ZNF3: variants seen among roughly 807,000 people sequenced by gnomAD.
The protein encoded by ZNF3 is C2-H2 type zinc finger protein.
A neutral mutation model predicts 36.9 loss-of-function variants in ZNF3; 16 were observed. That is an observed-to-expected ratio of 0.43 (90% confidence interval 0.29 to 0.66). ZNF3 has a LOEUF of 0.66. Ranked by LOEUF, ZNF3 falls within the 30% of genes least tolerant of loss-of-function variation. The probability of loss-of-function intolerance (pLI) is 0.13; values close to 1 mark genes in which losing one functional copy is unlikely to be tolerated. For missense variants in ZNF3, 462 were observed against 543.1 expected, an observed-to-expected ratio of 0.85 and a Z score of 1.48; for synonymous variants, 201 against 201.9, an observed-to-expected ratio of 1.00 and a Z score of 0.04.
intron 3 of ZNF3, 31 bp downstream of exon 3, chr7:100,077,272 G>A: frequency 6.2e-7 from 1 of 1,613,560 alleles, no homozygotes; most frequent in Non-Finnish European, 8.5e-7. Flanking sequence ...GAATGACTGA[G>A]TAAAAGAATG....
chr7:100,075,114 T>C, intron 5 of ZNF3, 21 bp downstream of exon 5: 1 of 1,569,076 alleles, frequency 6.4e-7, no homozygotes, highest in Non-Finnish European at 8.7e-7. Flanking sequence ...CGAGTTTTGT[T>C]GACAAGGCAT....
In ZNF3 at chr7:100,071,219, T is replaced by C. The variant is rs182405670; in HGVS notation, c.1265A>G (p.Lys422Arg). 382 of 1,614,210 alleles carry C rather than the reference T, an allele frequency of 2.4e-4. 3 individuals carry two copies. The African/African-American group carries it at 4.9e-3, about 21-fold the overall frequency. Reference protein sequence around the residue: ...VRHQRIHTGEKPLNGIGMSKS... With the variant: ...VRHQRIHTGERPLNGIGMSKS... ...GCTCATGCCGATCCCATTCAAAGGC[T>C]TCTCTCCAGTGTGAATTCTCTGATG... Residue 422 changes from lysine (K) to arginine (R), a missense_variant, in exon 6 of 6, where the codon AAG (lysine) becomes AGG (arginine). Physicochemically the swap from Lys to Arg is conservative, Grantham distance 26 (BLOSUM62 2). Coordinates refer to ENST00000299667, the MANE Select transcript of ZNF3 (RefSeq NM_032924.5).
At chr7:100,064,626 C>T (rs753672951) in exon 6 of ZNF3, 16 of 1,611,230 alleles carry the variant, frequency 9.9e-6, no homozygotes, top group South Asian at 4.4e-5. Flanking sequence ...AACTTTCAAG[C>T]GCTCCTGTTG....
intron 3 of ZNF3, among the ~76,000 whole-genome samples, chr7:100,075,981 T>C (rs552985214): frequency 6.6e-6 from 1 of 152,200 alleles, no homozygotes; most frequent in Admixed American, 6.5e-5. Context: ...GCCAGAAACA[T>C]ATGATCCCGC....
In ZNF3 at chr7:100,077,323, G is replaced by C. The variant is rs1317267064; in HGVS notation, c.35C>G (p.Pro12Arg). The C allele has an allele frequency of 6.2e-7, 1 of 1,613,998 alleles. No homozygotes were observed. The highest frequency in any genetic ancestry group is 1.1e-5 in the South Asian group (1 of 91,086). ...CTCACCACTGTCAAGCAGGGCCTGA[G>C]GTTCCTGAGATACGAGATCAGCCTG... ...ETQADLVSQE[P>R]QALLDSALPS... The change falls in exon 3 of 6, where the codon CCT becomes CGT. Residue 12 changes from proline to arginine, a missense_variant. Transcript: ENST00000299667.
downstream of ZNF3, among the ~76,000 whole-genome samples, chr7:100,068,919 C>T (rs1047221909): frequency 4.6e-5 from 7 of 151,774 alleles, no homozygotes; most frequent in Admixed American, 6.6e-5. Flanking sequence ...TGCATTTAAG[C>T]GATTCTCCTC....
chr7:100,073,824 C>T (rs980248297), intron 5 of ZNF3, among the ~76,000 whole-genome samples: 1 of 151,932 alleles, frequency 6.6e-6, no homozygotes, highest in African/African-American at 2.4e-5. Flanking sequence ...GGAAAAGTCT[C>T]TGGATTATAT....
downstream of ZNF3, among the ~76,000 whole-genome samples, chr7:100,066,470 G>A (rs918190393): frequency 3.3e-5 from 5 of 151,910 alleles, no homozygotes; most frequent in Admixed American, 1.3e-4. Context: ...GGTGGCTCAC[G>A]CCTCTAATCC....
chr7:100,068,534 G>T (rs574864683), downstream of ZNF3, among the ~76,000 whole-genome samples: 111 of 151,762 alleles, frequency 7.3e-4, no homozygotes, highest in African/African-American at 2.6e-3. Context: ...TTAGCTGGGC[G>T]TGGTGGTGGG....
At chr7:100,063,969 C>A, downstream of ZNF3, 1 of 1,614,148 alleles carries the variant, frequency 6.2e-7, no homozygotes, top group Non-Finnish European at 8.5e-7. Context: ...AAGAGGCAGG[C>A]TCCAAGAAAG....
chr7:100,078,295 G>GA (rs997236166), intron 2 of ZNF3, among the ~76,000 whole-genome samples: 4 of 151,530 alleles, frequency 2.6e-5, no homozygotes, highest in African/African-American at 9.7e-5. Flanking sequence ...AGGAGTTCGA[G>GA]ACCAGCCTGG....
chr7:100,068,929 C>T (rs1792784037), downstream of ZNF3, among the ~76,000 whole-genome samples: 1 of 151,874 alleles, frequency 6.6e-6, no homozygotes, highest in African/African-American at 2.4e-5. Context: ...CGATTCTCCT[C>T]CCTCAGTCTC....
chr7:100,075,120 G>C lies in ZNF3; in HGVS notation c.271+15C>G. On this transcript the variant is annotated intron_variant, in intron 5 of 5. Coordinates refer to ENST00000299667, the MANE Select transcript of ZNF3 (RefSeq NM_032924.5). ...AAACACCAGCGAGTTTTGTTGACAA[G>C]GCATAACTCCTTACCCAGTGAGAAC... The C allele has an allele frequency of 6.3e-7, 1 of 1,582,582 alleles. No individual in the cohort carries two copies. The highest frequency in any genetic ancestry group is 1.4e-5 in the African/African-American group (1 of 73,868).
upstream of ZNF3, among the ~76,000 whole-genome samples, chr7:100,082,100 A>T (rs1795066989): frequency 6.6e-6 from 1 of 152,140 alleles, no homozygotes; most frequent in Non-Finnish European, 1.5e-5. Context: ...GTAAACATAC[A>T]ATTATTGAAG....
At chr7:100,080,669 C>G (rs1416353684) in intron 1 of ZNF3, among the ~76,000 whole-genome samples, 2 of 152,098 alleles carry the variant, frequency 1.3e-5, no homozygotes, top group South Asian at 2.1e-4. Context: ...AAAAATTCGC[C>G]GGAGGTGGTG....
chr7:100,079,973 G>C (rs1387004981), intron 1 of ZNF3, among the ~76,000 whole-genome samples: 1 of 151,924 alleles, frequency 6.6e-6, no homozygotes, highest in Non-Finnish European at 1.5e-5. Flanking sequence ...AAAGTGCTGG[G>C]ATTACAGGCA....
downstream of ZNF3, among the ~76,000 whole-genome samples, chr7:100,065,511 C>A (rs1792603080): frequency 1.3e-5 from 2 of 152,014 alleles, no homozygotes; most frequent in South Asian, 2.1e-4. Context: ...GCCGGCACAG[C>A]TGTTGTGGAT....
Position 100,075,151 on chromosome 7 carries a change from C to T in ZNF3, c.255G>A (p.Gly85=), listed in dbSNP as rs1254854451. 5 of 1,610,878 alleles carry T rather than the reference C, an allele frequency of 3.1e-6. No homozygotes were observed. In the East Asian group the frequency reaches 1.1e-4, roughly 36 times the overall value. ...LYRDVMLENY[G]NVFSLDRETR... ...ACTCCTTACCCAGTGAGAACACATT[C>T]CCGTAATTCTCCAGCATCACATCTC... Residue 85 remains glycine (G), a synonymous_variant, in exon 5 of 6, where the codon GGG becomes GGA. Coordinates refer to ENST00000299667, the MANE Select transcript of ZNF3 (RefSeq NM_032924.5).
intron 2 of ZNF3, chr7:100,079,000 T>G (rs1225694143): frequency 6.6e-6 from 1 of 152,212 alleles, no homozygotes; most frequent in African/African-American, 2.4e-5. Context: ...ACTCTGGTCT[T>G]CGGGTAGCAG....
Sources: gnomAD v4.1 joint callset for allele counts (sites outside exome capture counted in the v4.1 genomes callset) on GRCh38, gnomAD v4.1.1 for gene constraint, MANE v1.5 for transcripts, NCBI Gene and HGNC (gene_info 2026-07-23, HGNC 2026-07-21) for gene names.